Variants in MEGF6 observed in about 807,000 individuals in gnomAD.
MEGF6 encodes the protein multiple EGF like domains 6.
A neutral mutation model predicts 207.1 loss-of-function variants in MEGF6; 184 were observed. The ratio of observed to expected loss-of-function variants is 0.89; its 90% CI spans 0.79 to 1.00. The LOEUF is 1.00. Among genes scored for constraint, MEGF6 ranks in the 50% least tolerant of loss-of-function variants. The probability of loss-of-function intolerance (pLI) is 0.00; values close to 1 mark genes in which losing one functional copy is unlikely to be tolerated. For synonymous variants in MEGF6, 1,038 were observed against 910.0 expected (o/e 1.14, Z -2.53); for missense variants, 2,282 against 2,202.9 (o/e 1.04, Z -0.72).
chr1:3,510,450 G>T (rs1025642595), intron 10 of MEGF6, among the ~76,000 whole-genome samples: 1 of 147,742 alleles, frequency 6.8e-6, no homozygotes, highest in African/African-American at 2.5e-5. Context: ...CGCAGCAGGC[G>T]CTCAACCAAC....
At chr1:3,588,919 C>T (rs1373104430) in intron 3 of MEGF6, among the ~76,000 whole-genome samples, 3 of 152,268 alleles carry the variant, frequency 2.0e-5, no homozygotes, top group African/African-American at 7.2e-5. Flanking sequence ...TCTGCCCCTG[C>T]CCTCATGAGG....
intron 3 of MEGF6, among the ~76,000 whole-genome samples, chr1:3,581,517 G>T (rs1643797995): frequency 6.6e-6 from 1 of 152,338 alleles, no homozygotes; most frequent in Non-Finnish European, 1.5e-5. Flanking sequence ...CCAACCCGGG[G>T]CCCAGTAACA....
chr1:3,611,043 A>G (rs938043231), intron 1 of MEGF6, 95 bp downstream of exon 1: 1 of 1,339,282 alleles, frequency 7.5e-7, no homozygotes, highest in Non-Finnish European at 9.6e-7. Flanking sequence ...CTGGAGCCCC[A>G]GGGACAAAGC....
chr1:3,613,207 C>A (rs1644350487), upstream of MEGF6, among the ~76,000 whole-genome samples: 1 of 152,206 alleles, frequency 6.6e-6, no homozygotes, highest in Admixed American at 6.5e-5. Context: ...TCACCCACCC[C>A]CACTGACCAC....
Position 3,611,086 on chromosome 1 carries a change from GC to G in MEGF6, c.131+51del, listed in dbSNP as rs1644318318. 8 of 1,424,726 alleles carry G rather than the reference GC, an allele frequency of 5.6e-6. No homozygotes were observed. The South Asian group carries it at 7.2e-5, about 13-fold the overall frequency. The allele number at this position is 1,424,726 out of a possible 1,614,324, so 88.3% of individuals were successfully genotyped here. On this transcript the variant is annotated intron_variant, in intron 1 of 36. Transcript: ENST00000356575. ...CTCGGTCCACCACGGGCCTCCAGAG[GC>G]CCCGGGGTCCCTGGACGACCGGCCG...
intron 4 of MEGF6, among the ~76,000 whole-genome samples, chr1:3,548,616 A>G (rs1642790647): frequency 6.6e-6 from 1 of 152,174 alleles, no homozygotes; most frequent in Admixed American, 6.5e-5. Context: ...GCAGGCACCC[A>G]AGCTCTGGGA....
chr1:3,501,231 CAG>C lies in MEGF6; in HGVS notation c.2390_2391del (p.Pro797ArgfsTer38). 1 of 1,611,794 alleles carries C rather than the reference CAG, an allele frequency of 6.2e-7. No individual in the cohort carries two copies. On this transcript the variant is annotated frameshift_variant, in exon 19 of 37. Transcript: ENST00000356575. LOFTEE classifies it high-confidence loss of function. ...GGGAGGCACAGGCAGGCTCCGGTCT[CAG>C]GGTCGCAGCGGGCAGCGTGCTGGCA... is the stretch of plus-strand genomic sequence containing the variant. The part of the protein sequence containing the change: ...PACQHAARCD[P>X]ETGACLCLPG...
At chr1:3,517,206 G>C (rs1641574802) in intron 5 of MEGF6, among the ~76,000 whole-genome samples, 1 of 152,240 alleles carries the variant, frequency 6.6e-6, no homozygotes, top group African/African-American at 2.4e-5. Flanking sequence ...GGGGCACAGA[G>C]CCCATGGCAG....
chr1:3,591,047 C>T (rs1643968376), intron 3 of MEGF6, among the ~76,000 whole-genome samples: 1 of 152,146 alleles, frequency 6.6e-6, no homozygotes, highest in African/African-American at 2.4e-5. Flanking sequence ...TCTCAGCAGA[C>T]CCCACAGAGG....
intron 4 of MEGF6, among the ~76,000 whole-genome samples, chr1:3,526,328 G>A (rs189591706): frequency 2.6e-5 from 4 of 152,160 alleles, no homozygotes; most frequent in Admixed American, 2.0e-4. Flanking sequence ...CCGGTACCCA[G>A]GCCAGGGCAG....
intron 4 of MEGF6, among the ~76,000 whole-genome samples, chr1:3,577,829 G>GCC (rs905619129): frequency 6.6e-6 from 1 of 152,204 alleles, no homozygotes; most frequent in Non-Finnish European, 1.5e-5. Flanking sequence ...TGGGCATGGA[G>GCC]CCCCCCCAAC....
chr1:3,591,386 C>T (rs988264762), intron 3 of MEGF6, among the ~76,000 whole-genome samples: 3 of 152,178 alleles, frequency 2.0e-5, no homozygotes, highest in African/African-American at 7.2e-5. Flanking sequence ...GCCCGATCAC[C>T]ATGTGTGCCA....
intron 2 of MEGF6, among the ~76,000 whole-genome samples, chr1:3,598,728 C>A (rs77696155): frequency 1.6e-4 from 22 of 139,044 alleles, no homozygotes; most frequent in Non-Finnish European, 2.9e-4. Flanking sequence ...CCCCCCCCCC[C>A]CCCGGGGCCC....
chr1:3,525,867 G>A (rs111759459), intron 4 of MEGF6, among the ~76,000 whole-genome samples: 61 of 152,280 alleles, frequency 4.0e-4, no homozygotes, highest in African/African-American at 1.4e-3. Flanking sequence ...GGCCCCCCTC[G>A]CCAAGCTGGG....
At chr1:3,566,275 G>A (rs929529310) in intron 4 of MEGF6, among the ~76,000 whole-genome samples, 8 of 152,216 alleles carry the variant, frequency 5.3e-5, no homozygotes, top group Non-Finnish European at 1.0e-4. Flanking sequence ...CCAGAAGCAC[G>A]CAGCCCCTCG....
intron 10 of MEGF6, among the ~76,000 whole-genome samples, chr1:3,510,203 G>C (rs972883532): frequency 6.6e-6 from 1 of 152,128 alleles, no homozygotes; most frequent in Non-Finnish European, 1.5e-5. Context: ...TGGCAGACAC[G>C]TGCTAGGGGG....
intron 3 of MEGF6, 39 bp from the exon 4 acceptor site, chr1:3,579,968 A>T (rs751437066): frequency 2.5e-5 from 35 of 1,427,556 alleles, no homozygotes; most frequent in Non-Finnish European, 3.2e-5. Flanking sequence ...AGGGGCAAGG[A>T]GGGGTGAGGC....
chr1:3,513,893 A>T (rs1158316754), intron 7 of MEGF6, among the ~76,000 whole-genome samples: 1 of 151,058 alleles, frequency 6.6e-6, no homozygotes, highest in Non-Finnish European at 1.5e-5. Flanking sequence ...CGCCTGGCTC[A>T]TTTCTCCTTT....
chr1:3,499,654 C>T lies in MEGF6; in HGVS notation c.2899G>A (p.Ala967Thr), dbSNP rs1377470116. ...CAGGAGCCATTCACGGCATCACAGG[C>T]AGCTCCGGCGGTGCAGTTGCAGGCA... ...RSACNCTAGA[A>T]CDAVNGSCLC... is the part of the protein sequence containing the mutation. Residue 967 changes from alanine to threonine, a missense_variant, in exon 23 of 37, where the codon GCC becomes ACC. Physicochemically the swap from Ala to Thr is moderately conservative, Grantham distance 58. Coordinates refer to ENST00000356575, the MANE Select transcript of MEGF6 (RefSeq NM_001409.4). 2 of 1,596,070 alleles carry T rather than the reference C, an allele frequency of 1.3e-6. No homozygotes were observed. The highest frequency in any genetic ancestry group is 1.3e-5 in the African/African-American group (1 of 74,832).
Sources: gnomAD v4.1 joint callset for allele counts (sites outside exome capture counted in the v4.1 genomes callset) on GRCh38, gnomAD v4.1.1 for gene constraint, MANE v1.5 for transcripts, NCBI Gene and HGNC (gene_info 2026-07-23, HGNC 2026-07-21) for gene names.